The following EBF1 variants were observed in gnomAD, a reference collection of about 807,000 sequenced individuals.
EBF1 encodes transcription factor COE1.
Under a neutral mutation model 68.4 loss-of-function variants are expected in EBF1, and 10 were observed. That is an observed-to-expected ratio of 0.15 (90% CI 0.09 to 0.25). The LOEUF is 0.25. EBF1 is among the 10% of genes least tolerant of loss of function. The pLI, the probability that EBF1 is intolerant of heterozygous loss-of-function variation, is 1.00. For missense variants in EBF1, 509 were observed against 794.4 expected (o/e 0.64, Z 4.32); for synonymous variants, 298 against 299.8 (o/e 0.99, Z 0.06).
chr5:158,859,751 G>C (rs945437488), intron 6 of EBF1, among the ~76,000 whole-genome samples: 3 of 152,044 alleles, frequency 2.0e-5, no homozygotes, highest in African/African-American at 7.3e-5. Context: ...CAAGGTAATC[G>C]AGCCCACTCC....
At position 158,972,737 on chromosome 5, in the gene EBF1, C is replaced by T. The variant is rs143281903; in HGVS notation, c.554+100659G>A. ...GAGTAAAAGCCCAGGACCTCCATAG[C>T]GCCCACGGGGCCCAAGAAATGGCCC... On this transcript the variant is annotated intron_variant, in intron 6 of 15. Transcript: ENST00000313708. Among the ~76,000 whole-genome samples, 187 of 152,338 alleles carry T rather than the reference C, an allele frequency of 1.2e-3. 1 individual carries two copies. The highest frequency in any genetic ancestry group is 3.4e-3 in the African/African-American group (143 of 41,568).
intron 10 of EBF1, among the ~76,000 whole-genome samples, chr5:158,773,289 G>A (rs1408142035): frequency 6.6e-6 from 1 of 152,180 alleles, no homozygotes; most frequent in African/African-American, 2.4e-5. Flanking sequence ...CATTGGCAAA[G>A]GATGTGGAGT....
intron 6 of EBF1, among the ~76,000 whole-genome samples, chr5:159,067,508 C>G (rs1777058613): frequency 6.6e-6 from 1 of 152,172 alleles, no homozygotes; most frequent in Admixed American, 6.5e-5. Flanking sequence ...AAGTACTTTG[C>G]ATTATGATAC....
chr5:158,818,517 G>A (rs1784198121), intron 8 of EBF1, among the ~76,000 whole-genome samples: 1 of 152,146 alleles, frequency 6.6e-6, no homozygotes, highest in Non-Finnish European at 1.5e-5. Context: ...TGGTGGTGGT[G>A]AACACCTGAC....
intron 6 of EBF1, among the ~76,000 whole-genome samples, chr5:159,037,669 G>T: frequency 9.0e-6 from 1 of 110,780 alleles, no homozygotes; most frequent in East Asian, 2.9e-4. Flanking sequence ...GGTGGGGGGA[G>T]GGGGGAGGGA....
At chr5:158,918,504 C>CGAGACAGAGACA (rs35418013) in intron 6 of EBF1, among the ~76,000 whole-genome samples, 1 of 151,596 alleles carries the variant, frequency 6.6e-6, no homozygotes, top group East Asian at 2.0e-4. Context: ...ATTAGTGTTA[C>CGAGACAGAGACA]GAGACAGAGA....
intron 10 of EBF1, among the ~76,000 whole-genome samples, chr5:158,772,458 G>A (rs1288349654): frequency 1.3e-5 from 2 of 152,182 alleles, no homozygotes; most frequent in Non-Finnish European, 2.9e-5. Context: ...GAACAAGCAT[G>A]TGTTGTTCCC....
chr5:158,841,872 G>A (rs948752607), intron 6 of EBF1, among the ~76,000 whole-genome samples: 6 of 152,090 alleles, frequency 3.9e-5, no homozygotes, highest in Admixed American at 6.5e-5. Flanking sequence ...TGCAAACATC[G>A]TCCTAAAATG....
intron 6 of EBF1, among the ~76,000 whole-genome samples, chr5:158,926,163 T>C (rs1809650295): frequency 6.6e-6 from 1 of 152,208 alleles, no homozygotes; most frequent in African/African-American, 2.4e-5. Flanking sequence ...TAACTATTAT[T>C]CTATAAAAAT....
intron 5 of EBF1, among the ~76,000 whole-genome samples, chr5:159,075,013 C>G (rs1409608306): frequency 5.9e-5 from 9 of 152,348 alleles, no homozygotes; most frequent in Middle Eastern, 3.4e-3. Context: ...TCCCTGAACT[C>G]TGATCCCCTA....
At chr5:158,963,816 G>T (rs949993544) in intron 6 of EBF1, among the ~76,000 whole-genome samples, 1 of 152,176 alleles carries the variant, frequency 6.6e-6, no homozygotes, top group Admixed American at 6.6e-5. Context: ...TCTTGTTGAG[G>T]TTTATTGCTT....
intron 6 of EBF1, among the ~76,000 whole-genome samples, chr5:159,057,974 G>A (rs542324350): frequency 2.6e-5 from 4 of 152,224 alleles, no homozygotes; most frequent in Non-Finnish European, 4.4e-5. Context: ...GAAGAGGTAT[G>A]TGAATGATAG....
chr5:158,712,510 C>T (rs543674007), intron 13 of EBF1, among the ~76,000 whole-genome samples, 177 bp from the exon 14 acceptor site: 3 of 152,044 alleles, frequency 2.0e-5, no homozygotes, highest in African/African-American at 4.8e-5. Flanking sequence ...AAATGGGAAG[C>T]GAGCAAAAGA....
intron 6 of EBF1, among the ~76,000 whole-genome samples, chr5:158,922,287 C>A (rs1030987435): frequency 2.0e-5 from 3 of 151,940 alleles, no homozygotes; most frequent in Non-Finnish European, 4.4e-5. Flanking sequence ...ACCCAGTATC[C>A]TCTCAGTGAT....
chr5:158,817,293 G>C (rs1178071712), intron 8 of EBF1, among the ~76,000 whole-genome samples: 2 of 152,042 alleles, frequency 1.3e-5, no homozygotes, highest in Non-Finnish European at 2.9e-5. Flanking sequence ...ATAGATGAAT[G>C]GTTCAATGTC....
At chr5:159,044,473 C>T (rs950128929) in intron 6 of EBF1, among the ~76,000 whole-genome samples, 1 of 152,126 alleles carries the variant, frequency 6.6e-6, no homozygotes, top group Admixed American at 6.5e-5. Flanking sequence ...AGAATCCTAG[C>T]TGGTGTGTAG....
chr5:158,961,113 C>T (rs960477466), intron 6 of EBF1, among the ~76,000 whole-genome samples: 11 of 152,110 alleles, frequency 7.2e-5, no homozygotes, highest in African/African-American at 2.7e-4. Context: ...GCAATAATCA[C>T]AAAATATAAA....
intron 10 of EBF1, among the ~76,000 whole-genome samples, chr5:158,768,058 T>C (rs1030612283): frequency 2.0e-5 from 3 of 152,114 alleles, no homozygotes; most frequent in African/African-American, 7.2e-5. Context: ...TATAGCTAAA[T>C]GCTTTTGGGA....
At chr5:158,945,093 A>G (rs1219265066) in intron 6 of EBF1, among the ~76,000 whole-genome samples, 2 of 152,192 alleles carry the variant, frequency 1.3e-5, no homozygotes, top group Non-Finnish European at 2.9e-5. Context: ...CCATTTGTCA[A>G]TGTTGGCTTT....
Sources: allele counts gnomAD v4.1 joint callset (sites outside exome capture counted in the v4.1 genomes callset), GRCh38; gene constraint gnomAD v4.1.1; transcripts MANE v1.5; gene names NCBI Gene and HGNC (gene_info 2026-07-23, HGNC 2026-07-21).